MKI67: variants seen among roughly 807,000 people sequenced by gnomAD.
MKI67 encodes proliferation marker protein Ki-67.
Under a neutral mutation model 233.5 loss-of-function variants are expected in MKI67, and 152 were observed. That is an observed-to-expected ratio of 0.65 (90% CI 0.57 to 0.74). MKI67 has a LOEUF of 0.74. Ranked by LOEUF, MKI67 falls within the 30% of genes least tolerant of loss-of-function variation. The pLI is 0.00. For missense variants in MKI67, 3,940 were observed against 3,885.2 expected (o/e 1.01, Z -0.37); for synonymous variants, 1,465 against 1,418.5 (o/e 1.03, Z -0.74).
intron 12 of MKI67, 130 bp from the exon 13 acceptor site, chr10:128,109,553 T>G: frequency 1.1e-6 from 1 of 943,968 alleles, no homozygotes; most frequent in Non-Finnish European, 1.5e-6. Context: ...TGAGGCTACT[T>G]ATGTGTCTAT....
At position 128,101,662 on chromosome 10, in the gene MKI67, C is replaced by T. The variant is rs751557679; in HGVS notation, c.9301G>A (p.Ala3101Thr). 16 of 1,609,086 alleles carry T rather than the reference C, an allele frequency of 9.9e-6. No homozygotes were observed. In the South Asian group the frequency reaches 1.8e-4, roughly 18 times the overall value. Residue 3101 changes from alanine (A) to threonine (T), a missense_variant, in exon 14 of 15, where the codon GCA (alanine) becomes ACA (threonine). Physicochemically the swap from Ala to Thr is moderately conservative, Grantham distance 58 (BLOSUM62 0). Coordinates refer to ENST00000368654, the MANE Select transcript of MKI67 (RefSeq NM_002417.5). ...LRSRRQNKTE[A>T]EQQITEVFVL... ...AAGACCTCAGTTATTTGCTGTTCTG[C>T]CTCAGTCTTATTTTGGCGTCTGGAG...
chr10:128,099,369 G>T, intron 14 of MKI67, 114 bp from the exon 15 acceptor site: 1 of 558,634 alleles, frequency 1.8e-6, no homozygotes, highest in Non-Finnish European at 3.0e-6. Context: ...GTCCTTAGTT[G>T]CAGAAAATTA....
In MKI67 at chr10:128,104,865, T is replaced by C; in HGVS notation, c.6975A>G (p.Thr2325=). 6.2e-7 allele frequency: 1 copy of C among 1,612,848 alleles called. No individual in the cohort carries two copies. The highest frequency in any genetic ancestry group is 1.1e-5 in the South Asian group (1 of 91,022). Residue 2325 remains threonine, a synonymous_variant, in exon 13 of 15, where the codon ACA becomes ACG. Coordinates refer to ENST00000368654, the MANE Select transcript of MKI67 (RefSeq NM_002417.5). ...DLAGFKELFQ[T]PGTDKPTTDE... is the part of the protein sequence containing the mutation. ...CAGTCGTGGGCTTGTCAGTGCCTGG[T>C]GTCTGGAAGAGCTCTTTGAAGCCAG...
In MKI67 at chr10:128,110,479, G is replaced by A; in HGVS notation, c.2315C>T (p.Thr772Ile). 9 of 1,580,680 alleles carry A rather than the reference G, an allele frequency of 5.7e-6. No individual in the cohort carries two copies. The highest frequency in any genetic ancestry group is 5.2e-6 in the Non-Finnish European group (6 of 1,153,996). The change falls in exon 12 of 15, where the codon ACA becomes ATA. Residue 772 changes from threonine to isoleucine, a missense_variant. Transcript: ENST00000368654. ...TGAATTTGAAATAGCGATGTGACAT[G>A]TGCTTGTCAACTGCGGTTGCTCCTT... The part of the protein sequence containing the change: ...PVKEQPQLTS[T>I]CHIAISNSEN...
intron 5 of MKI67, among the ~76,000 whole-genome samples, chr10:128,118,606 G>A (rs189736454): frequency 0.011 from 1,611 of 152,194 alleles, 10 homozygotes; most frequent in Non-Finnish European, 0.015. Context: ...AGCACATGCC[G>A]ACAACTGTGT....
At chr10:128,101,893 A>C (rs1374452812) in intron 13 of MKI67, among the ~76,000 whole-genome samples, 192 bp from the exon 14 acceptor site, 2 of 152,254 alleles carry the variant, frequency 1.3e-5, no homozygotes, top group Non-Finnish European at 2.9e-5. Flanking sequence ...CTATGGAGAA[A>C]TGACTGTCTC....
chr10:128,102,935 C>G lies in MKI67; in HGVS notation c.8905G>C (p.Glu2969Gln), dbSNP rs1052365299. The change falls in exon 13 of 15, where the codon GAA becomes CAA. Residue 2969 changes from glutamate (E) to glutamine (Q), a missense_variant. Coordinates refer to ENST00000368654, the MANE Select transcript of MKI67 (RefSeq NM_002417.5). ...SRRVLRAPKVEPVGDVVSTRD... is the reference protein window; with the variant it reads ...SRRVLRAPKVQPVGDVVSTRD... ...GTGCTTACCACGTCTCCCACGGGTT[C>G]TACTTTAGGGGCCCGAAGAACTCTT... 4 of 1,614,094 alleles carry G rather than the reference C, an allele frequency of 2.5e-6. No homozygotes were observed. In the African/African-American group the frequency reaches 5.3e-5, roughly 22 times the overall value.
rs1490187830 is a variant in MKI67, at chr10:128,114,998, T to C, written c.1410A>G (p.Thr470=). 6.2e-7 allele frequency: 1 copy of C among 1,609,774 alleles called. No individual in the cohort carries two copies. Among genetic ancestry groups the C allele is most frequent in the South Asian group, 1.1e-5 (1 of 91,050 alleles). The change falls in exon 7 of 15, where the codon ACA becomes ACG. Residue 470 remains threonine (T), a synonymous_variant. Transcript: ENST00000368654. ...GTAACCCAGAGCACATCTGTCCAGC[T>C]GTAGTGCCCAATTTCTCAGGCTTGC... The part of the protein sequence containing the change: ...SLSKPEKLGT[T]AGQMCSGLPG...
Position 128,101,259 on chromosome 10 carries a change from T to C in MKI67, c.9704A>G (p.Lys3235Arg), listed in dbSNP as rs35120165. 3,285 of 1,607,284 alleles carry C rather than the reference T, an allele frequency of 2.0e-3. 61 individuals are homozygous for C. The African/African-American group carries it at 0.039, about 19-fold the overall frequency. The part of the protein sequence containing the change: ...SVKRCAENPK[K>R]AEDNVCVKKI... ...ACAGGGAAACAGTAAATGGCTTACC[T>C]TCTTTGGATTTTCTGCACACCTCTT... is the stretch of plus-strand genomic sequence containing the variant. Residue 3235 changes from lysine to arginine, a missense_variant and splice_region_variant, in exon 14 of 15, where the codon AAG becomes AGG. Transcript: ENST00000368654.
Position 128,115,243 on chromosome 10 carries a change from T to A in MKI67, c.1165A>T (p.Thr389Ser). The change falls in exon 7 of 15, where the codon ACT (threonine) becomes TCT (serine). Residue 389 changes from threonine (T) to serine (S), a missense_variant. By Grantham distance (58) the Thr-to-Ser change is moderately conservative. Transcript: ENST00000368654. Reference sequence around the variant, plus strand: ...GTTGAAAGCTTCCTGGGAGTAAGAGTTTTATCACCAGCCTTGAAGCCTTCA... The same window carrying A: ...GTTGAAAGCTTCCTGGGAGTAAGAGATTTATCACCAGCCTTGAAGCCTTCA... ...KSEGFKAGDK[T>S]LTPRKLSTRN... is the part of the protein sequence containing the mutation. 6.2e-7 allele frequency: 1 copy of A among 1,614,078 alleles called. No homozygotes were observed. The highest frequency in any genetic ancestry group is 8.5e-7 in the Non-Finnish European group (1 of 1,179,998).
intron 4 of MKI67, among the ~76,000 whole-genome samples, chr10:128,121,558 T>C (rs1852947323): frequency 7.5e-6 from 1 of 133,548 alleles, no homozygotes; most frequent in Non-Finnish European, 1.6e-5. Context: ...TATATGATTA[T>C]ATATAATATA....
rs1369331955 is a variant in MKI67 at position 128,104,353 on chromosome 10, A to G, written c.7487T>C (p.Leu2496Pro). The change falls in exon 13 of 15, where the codon CTA (leucine) becomes CCA (proline). Residue 2496 changes from leucine (L) to proline (P), a missense_variant. By Grantham distance (98) the Leu-to-Pro change is moderately conservative. Coordinates refer to ENST00000368654, the MANE Select transcript of MKI67 (RefSeq NM_002417.5). ...LVKVDMKEEPLAVSKLTRTSG... is the reference protein window; with the variant it reads ...LVKVDMKEEPPAVSKLTRTSG... ...TGTCCGTGTGAGCTTGCTGACTGCTAGGGGCTCTTCTTTCATGTCCACTTT... is the reference window on the plus strand; with the variant it reads ...TGTCCGTGTGAGCTTGCTGACTGCTGGGGGCTCTTCTTTCATGTCCACTTT... 1.2e-6 allele frequency: 2 copies of G among 1,614,118 alleles called. No individual in the cohort carries two copies. The highest frequency in any genetic ancestry group is 1.3e-5 in the African/African-American group (1 of 75,026).
rs1328916610 is a variant in MKI67 at position 128,111,711 on chromosome 10, G to A, written c.2194C>T (p.Arg732Ter). Residue 732 changes from arginine (R) to a stop codon, truncating the protein, a stop_gained, in exon 11 of 15, where the codon CGA (arginine) becomes TGA (stop). Transcript: ENST00000368654. LOFTEE classifies it high-confidence loss of function. The part of the protein sequence containing the change: ...AHTEKVHVPA[R>*]PYRVLNNFIS... ...AAGTTGTTGAGCACTCTGTAGGGTC[G>A]AGCAGGCACATGTACTTTTTCAGTA... is the stretch of plus-strand genomic sequence containing the variant. 4.3e-6 allele frequency: 7 copies of A among 1,614,140 alleles called. No homozygotes were observed. Among genetic ancestry groups the A allele is most frequent in the African/African-American group, 1.3e-5 (1 of 75,036 alleles).
At chr10:128,112,515 C>T (rs951676783) in intron 8 of MKI67, 70 bp from the exon 9 acceptor site, 61 of 1,412,910 alleles carry the variant, frequency 4.3e-5, no homozygotes, top group South Asian at 3.6e-4. Flanking sequence ...CTGATAAAAA[C>T]CTATTCAGTT....
intron 11 of MKI67, among the ~76,000 whole-genome samples, chr10:128,110,845 C>T (rs1433986616): frequency 2.6e-5 from 4 of 152,218 alleles, no homozygotes; most frequent in African/African-American, 9.6e-5. Context: ...AGGCTGGTGA[C>T]GGGCTCCTGA....
At position 128,114,206 on chromosome 10, in the gene MKI67, C is replaced by T. The variant is rs1169701226; in HGVS notation, c.1481-604G>A. On this transcript the variant is annotated intron_variant, in intron 7 of 14. Coordinates refer to ENST00000368654, the MANE Select transcript of MKI67 (RefSeq NM_002417.5). ...ACCTGCAGAAACACAGCCTGGAGTACGAATACTGCGTCTGTGGCCCAGACA... is the reference window on the plus strand; with the variant it reads ...ACCTGCAGAAACACAGCCTGGAGTATGAATACTGCGTCTGTGGCCCAGACA... Among the ~76,000 whole-genome samples, 10 of 152,202 alleles carry T rather than the reference C, an allele frequency of 6.6e-5. No individual in the cohort carries two copies. In the South Asian group the frequency reaches 8.3e-4, roughly 13 times the overall value.
chr10:128,125,851 A>C lies in MKI67; in HGVS notation c.-89-95T>G. 1 of 635,058 alleles carries C rather than the reference A, an allele frequency of 1.6e-6. No individual in the cohort carries two copies. Among genetic ancestry groups the C allele is most frequent in the South Asian group, 1.8e-5 (1 of 56,688 alleles). 39.3% of individuals were successfully genotyped at this position (635,058 alleles called of 1,614,324 possible). Reference sequence around the variant, plus strand: ...CCCCGGCCACAGAAGCGCACACCGCAGCTAGCTAGCGGGGACCCCAGGACG... The same window carrying C: ...CCCCGGCCACAGAAGCGCACACCGCCGCTAGCTAGCGGGGACCCCAGGACG... On this transcript the variant is annotated intron_variant, in intron 1 of 14. Coordinates refer to ENST00000368654, the MANE Select transcript of MKI67 (RefSeq NM_002417.5). The surrounding 1 kb of genome is among the most constrained non-coding windows in gnomAD (Gnocchi z 5.3).
chr10:128,110,397 G>C lies in MKI67; in HGVS notation c.2397C>G (p.Leu799=), dbSNP rs767345189. 6.4e-7 allele frequency: 1 copy of C among 1,571,544 alleles called. No homozygotes were observed. Among genetic ancestry groups the C allele is most frequent in the African/African-American group, 1.3e-5 (1 of 74,476 alleles). Residue 799 remains leucine, a synonymous_variant, in exon 12 of 15, where the codon CTC becomes CTG. Coordinates refer to ENST00000368654, the MANE Select transcript of MKI67 (RefSeq NM_002417.5). Reference sequence around the variant, plus strand: ...ACCAACCAAAACTCTCTGAGGTGGGGAGCAGAGGTTCTTCTCCTGAATCAG... The same window carrying C: ...ACCAACCAAAACTCTCTGAGGTGGGCAGCAGAGGTTCTTCTCCTGAATCAG... ...QGTDSGEEPL[L]PTSESFGGNV...
intron 4 of MKI67, among the ~76,000 whole-genome samples, chr10:128,121,355 T>A (rs1475175892): frequency 1.4e-5 from 2 of 144,634 alleles, no homozygotes; most frequent in Non-Finnish European, 3.0e-5. Flanking sequence ...TATTACATAT[T>A]ATATATGTAT....
Sources: allele counts gnomAD v4.1 joint callset (sites outside exome capture counted in the v4.1 genomes callset), GRCh38; gene constraint gnomAD v4.1.1; non-coding constraint Gnocchi (gnomAD v3.1); transcripts MANE v1.5; gene names NCBI Gene and HGNC (gene_info 2026-07-23, HGNC 2026-07-21).